Variants in UACA observed in about 807,000 individuals in gnomAD.
UACA encodes the protein nuclear membrane binding protein.
A neutral mutation model predicts 160.5 loss-of-function variants in UACA; 112 were observed. That is an observed-to-expected ratio of 0.70 (90% CI 0.60 to 0.82). UACA has a LOEUF of 0.82. Among genes scored for constraint, UACA ranks in the 40% least tolerant of loss-of-function variants. The pLI is 0.00. For missense variants in UACA, 1,574 were observed against 1,614.6 expected, an observed-to-expected ratio of 0.97 and a Z score of 0.43; for synonymous variants, 557 against 568.4, an observed-to-expected ratio of 0.98 and a Z score of 0.29.
intron 1 of UACA, among the ~76,000 whole-genome samples, chr15:70,721,003 C>T (rs1213901851): frequency 5.9e-5 from 9 of 152,308 alleles, no homozygotes; most frequent in Non-Finnish European, 1.3e-4. Flanking sequence ...AGTGCAGCCA[C>T]TTGCACAGTC....
chr15:70,754,327 C>T (rs570575680), intron 1 of UACA: 8 of 304,126 alleles, frequency 2.6e-5, no homozygotes, highest in Admixed American at 1.8e-4. Context: ...TTTGAGTACC[C>T]GTACAACTAT....
intron 1 of UACA, among the ~76,000 whole-genome samples, chr15:70,735,348 T>C (rs1344822484): frequency 6.6e-6 from 1 of 151,748 alleles, no homozygotes; most frequent in African/African-American, 2.4e-5. Flanking sequence ...ATCTAAAAGT[T>C]GAATTTTTTA....
chr15:70,678,184 T>C lies in UACA; in HGVS notation c.914A>G (p.Asp305Gly). The stretch of plus-strand genomic sequence containing the variant: ...AATTTTTCTCAACCTCTCTTTCAAA[T>C]CTTCATTTTCAATCTCCAAATCCTT... ...NIQDLEIENE[D>G]LKERLRKIQQ... is the part of the protein sequence containing the mutation. Residue 305 changes from aspartate (D) to glycine (G), a missense_variant, in exon 11 of 19, where the codon GAT becomes GGT. By Grantham distance (94) the Asp-to-Gly change is moderately conservative. Coordinates refer to ENST00000322954, the MANE Select transcript of UACA (RefSeq NM_018003.4). 6.2e-7 allele frequency: 1 copy of C among 1,610,632 alleles called. No homozygotes were observed.
intron 7 of UACA, among the ~76,000 whole-genome samples, chr15:70,684,730 CACTT>C (rs1897647566): frequency 6.6e-6 from 1 of 151,112 alleles, no homozygotes; most frequent in African/African-American, 2.4e-5. Flanking sequence ...ACTACTTGAA[CACTT>C]ACTTGAACAC....
At chr15:70,763,584 G>A (rs1414888695), upstream of UACA, 43 of 1,204,732 alleles carry the variant, frequency 3.6e-5, no homozygotes, top group Admixed American at 3.0e-4. Flanking sequence ...CTCCCCTCCC[G>A]TAGCCAATTG....
intron 1 of UACA, among the ~76,000 whole-genome samples, chr15:70,763,113 G>C (rs1182309757): frequency 6.6e-6 from 1 of 152,182 alleles, no homozygotes; most frequent in African/African-American, 2.4e-5. Flanking sequence ...AGAAAGGGGT[G>C]GGGAAGAGAC....
chr15:70,721,027 C>T (rs1464411430), intron 1 of UACA, among the ~76,000 whole-genome samples: 2 of 152,184 alleles, frequency 1.3e-5, no homozygotes, highest in Admixed American at 1.3e-4. Context: ...CCAAAGCCTA[C>T]ATGTGCCATA....
intron 1 of UACA, among the ~76,000 whole-genome samples, chr15:70,722,363 T>C (rs1899019203): frequency 6.6e-6 from 1 of 151,838 alleles, no homozygotes; most frequent in South Asian, 2.1e-4. Context: ...TGTTGCCCAG[T>C]CTGGAGTGCT....
At position 70,753,571 on chromosome 15, in the gene UACA, A is replaced by C. The variant is rs560939547; in HGVS notation, c.78+9759T>G. On this transcript the variant is annotated intron_variant, in intron 1 of 18. Coordinates refer to ENST00000322954, the MANE Select transcript of UACA (RefSeq NM_018003.4). ...ATTAGCTATAGTGTCTTGGGCAGGT[A>C]AATTATTTAACTTGCATCTGAAATG... Among the ~76,000 whole-genome samples the C allele has an allele frequency of 2.0e-5, 3 of 152,332 alleles. No homozygotes were observed. In the South Asian group the frequency reaches 6.2e-4, roughly 32 times the overall value.
intron 1 of UACA, among the ~76,000 whole-genome samples, chr15:70,762,574 C>G (rs2030833160): frequency 6.6e-6 from 1 of 152,228 alleles, no homozygotes; most frequent in Non-Finnish European, 1.5e-5. Flanking sequence ...TACTCCTTGG[C>G]GCGCACACTG....
chr15:70,744,656 G>T (rs984744908), intron 1 of UACA, among the ~76,000 whole-genome samples: 3 of 152,144 alleles, frequency 2.0e-5, no homozygotes, highest in African/African-American at 7.2e-5. Flanking sequence ...GAAGAAAATG[G>T]GAGCAGGTAG....
At chr15:70,721,778 TAC>T (rs1013608913) in intron 1 of UACA, among the ~76,000 whole-genome samples, 12 of 152,288 alleles carry the variant, frequency 7.9e-5, no homozygotes, top group African/African-American at 2.6e-4. Flanking sequence ...CTGCCAACAT[TAC>T]ACAGTTACCA....
At chr15:70,664,907 G>A in intron 16 of UACA, 93 bp from the exon 17 acceptor site, 1 of 1,200,500 alleles carries the variant, frequency 8.3e-7, no homozygotes, top group Non-Finnish European at 1.1e-6. Flanking sequence ...GGAGACAGAA[G>A]CTTTATCTTT....
At chr15:70,736,119 A>G (rs1456663805) in intron 1 of UACA, among the ~76,000 whole-genome samples, 1 of 152,214 alleles carries the variant, frequency 6.6e-6, no homozygotes, top group East Asian at 1.9e-4. Flanking sequence ...TAAGGGAAAC[A>G]CCTCTGGTGT....
chr15:70,770,696 C>A, the UACA span, among the ~76,000 whole-genome samples: 1 of 152,170 alleles, frequency 6.6e-6, no homozygotes, highest in East Asian at 1.9e-4. Context: ...TTCCTTTGAA[C>A]CTTAGAAGGG....
intron 18 of UACA, among the ~76,000 whole-genome samples, chr15:70,659,494 T>G (rs779348104): frequency 7.1e-6 from 1 of 140,290 alleles, no homozygotes; most frequent in Non-Finnish European, 1.5e-5. Flanking sequence ...ATTCTAAAAT[T>G]TGTTTCTTTT....
At chr15:70,774,369 A>G in the UACA span, among the ~76,000 whole-genome samples, 1 of 151,852 alleles carries the variant, frequency 6.6e-6, no homozygotes, top group South Asian at 2.1e-4. Context: ...ACATGGTGAA[A>G]CCCCGTCTCT....
chr15:70,690,545 G>C, intron 4 of UACA, 34 bp from the exon 5 acceptor site: 1 of 1,549,124 alleles, frequency 6.5e-7, no homozygotes, highest in Non-Finnish European at 8.9e-7. Flanking sequence ...TAAAGTAGGA[G>C]AGTTTTATTT....
chr15:70,727,608 C>T (rs1277185423), intron 1 of UACA, among the ~76,000 whole-genome samples: 1 of 151,952 alleles, frequency 6.6e-6, no homozygotes, highest in East Asian at 1.9e-4. Flanking sequence ...TATTTCAATT[C>T]CTATTAAACT....
Sources: allele counts gnomAD v4.1 joint callset (sites outside exome capture counted in the v4.1 genomes callset), GRCh38; gene constraint gnomAD v4.1.1; transcripts MANE v1.5; gene names NCBI Gene and HGNC (gene_info 2026-07-23, HGNC 2026-07-21).